NLGN1: variants seen among roughly 807,000 people sequenced by gnomAD.
NLGN1 encodes neuroligin 1.
A neutral mutation model predicts 65.5 loss-of-function variants in NLGN1; 12 were observed. That is an observed-to-expected ratio of 0.18 (90% CI 0.12 to 0.30). The LOEUF (loss-of-function observed/expected upper bound fraction) is 0.30, where lower values mean the gene tolerates loss of function less well. Ranked by LOEUF, NLGN1 falls within the 10% of genes least tolerant of loss-of-function variation. The pLI, the probability that NLGN1 is intolerant of heterozygous loss-of-function variation, is 1.00. For synonymous variants in NLGN1, 350 were observed against 359.5 expected, an observed-to-expected ratio of 0.97 and a Z score of 0.30; for missense variants, 750 against 1,007.1, an observed-to-expected ratio of 0.74 and a Z score of 3.46.
intron 4 of NLGN1, among the ~76,000 whole-genome samples, chr3:174,268,545 A>G (rs1748718961): frequency 6.6e-6 from 1 of 152,042 alleles, no homozygotes; most frequent in Non-Finnish European, 1.5e-5. Context: ...TTTTCTAACC[A>G]TTACAACCTA....
chr3:174,136,135 C>T (rs1228180405), intron 4 of NLGN1, among the ~76,000 whole-genome samples: 1 of 152,052 alleles, frequency 6.6e-6, no homozygotes, highest in Non-Finnish European at 1.5e-5. Context: ...AATTTCTGAA[C>T]ATCTGCAGCA....
chr3:174,014,748 C>G (rs550420828), intron 4 of NLGN1, among the ~76,000 whole-genome samples: 17 of 152,194 alleles, frequency 1.1e-4, no homozygotes, highest in Non-Finnish European at 1.9e-4. Context: ...GCAAGTTATT[C>G]AATCTTTCTG....
chr3:173,416,133 A>T (rs1008703624), intron 1 of NLGN1, among the ~76,000 whole-genome samples: 1 of 152,152 alleles, frequency 6.6e-6, no homozygotes, highest in Non-Finnish European at 1.5e-5. Context: ...CACTTACATT[A>T]TACTTGTTGA....
intron 4 of NLGN1, among the ~76,000 whole-genome samples, chr3:174,271,521 T>A (rs1468921698): frequency 6.6e-6 from 1 of 151,754 alleles, no homozygotes; most frequent in Non-Finnish European, 1.5e-5. Flanking sequence ...TAATTATCTG[T>A]TTTTATTTAT....
chr3:173,787,242 A>G (rs1782135687), intron 3 of NLGN1, among the ~76,000 whole-genome samples: 1 of 152,216 alleles, frequency 6.6e-6, no homozygotes, highest in Admixed American at 6.5e-5. Context: ...CTCTTGCCTA[A>G]AGTCAACTGT....
intron 4 of NLGN1, among the ~76,000 whole-genome samples, chr3:174,142,716 A>G (rs542361325): frequency 1.3e-5 from 2 of 152,344 alleles, no homozygotes; most frequent in Admixed American, 6.5e-5. Context: ...ATTATAGGAC[A>G]TTTGAAATAG....
intron 4 of NLGN1, among the ~76,000 whole-genome samples, chr3:173,928,589 T>C (rs1743447559): frequency 6.6e-6 from 1 of 152,118 alleles, no homozygotes; most frequent in African/African-American, 2.4e-5. Flanking sequence ...AATGTTCAAC[T>C]TTGTATTTGG....
intron 3 of NLGN1, among the ~76,000 whole-genome samples, chr3:173,629,847 A>T (rs1369176794): frequency 2.0e-5 from 3 of 152,334 alleles, no homozygotes; most frequent in Middle Eastern, 6.8e-3. Context: ...TTCAGAGTTT[A>T]TCAGACTTGT....
intron 4 of NLGN1, among the ~76,000 whole-genome samples, chr3:174,086,198 T>C (rs953045931): frequency 6.6e-6 from 1 of 151,238 alleles, no homozygotes; most frequent in Non-Finnish European, 1.5e-5. Context: ...TGTGTGTGTG[T>C]GTGTGTGCGT....
chr3:174,056,918 A>T (rs9843146), intron 4 of NLGN1, among the ~76,000 whole-genome samples: 38,723 of 151,178 alleles, frequency 0.26, 6,283 homozygotes, highest in African/African-American at 0.47. Flanking sequence ...ATATATATAT[A>T]TTTTTTTTCA....
At chr3:174,052,677 A>G (rs1735167723) in intron 4 of NLGN1, among the ~76,000 whole-genome samples, 1 of 152,070 alleles carries the variant, frequency 6.6e-6, no homozygotes, top group South Asian at 2.1e-4. Flanking sequence ...CTCTTATCTT[A>G]CTAGTCTATT....
intron 4 of NLGN1, among the ~76,000 whole-genome samples, chr3:173,879,551 T>C (rs1732820569): frequency 6.6e-6 from 1 of 152,154 alleles, no homozygotes; most frequent in Admixed American, 6.5e-5. Flanking sequence ...AAAATCCTTG[T>C]CTACGAAAGT....
chr3:174,247,602 G>A (rs1744037072), intron 4 of NLGN1, among the ~76,000 whole-genome samples: 1 of 152,130 alleles, frequency 6.6e-6, no homozygotes, highest in African/African-American at 2.4e-5. Context: ...TTTACTTACA[G>A]TTATCTATAG....
intron 3 of NLGN1, among the ~76,000 whole-genome samples, chr3:173,723,677 T>C (rs1285377445): frequency 6.6e-6 from 1 of 152,162 alleles, no homozygotes. Flanking sequence ...TAAGTGTGTA[T>C]TATAGTCATC....
chr3:174,067,753 C>G (rs1183126113), intron 4 of NLGN1, among the ~76,000 whole-genome samples: 1 of 152,052 alleles, frequency 6.6e-6, no homozygotes, highest in African/African-American at 2.4e-5. Context: ...ACTTAGATAT[C>G]CTTTAAAAAT....
At chr3:174,146,569 TC>T (rs1374349765) in intron 4 of NLGN1, among the ~76,000 whole-genome samples, 3 of 151,568 alleles carry the variant, frequency 2.0e-5, no homozygotes, top group Non-Finnish European at 2.9e-5. Context: ...CTGACATGAA[TC>T]TTTTTTTTTT....
intron 2 of NLGN1, among the ~76,000 whole-genome samples, chr3:173,483,493 AAC>A (rs2148976711): frequency 6.6e-6 from 1 of 152,230 alleles, no homozygotes; most frequent in Non-Finnish European, 1.5e-5. Context: ...ATGAAAGGAT[AAC>A]AGTTTATCAT....
chr3:173,976,007 A>G (rs1404690713), intron 4 of NLGN1, among the ~76,000 whole-genome samples: 1 of 152,046 alleles, frequency 6.6e-6, no homozygotes, highest in African/African-American at 2.4e-5. Context: ...TTTATCTACT[A>G]TACAAAGTGG....
At chr3:174,206,652 C>G (rs779415765) in intron 4 of NLGN1, among the ~76,000 whole-genome samples, 2 of 152,110 alleles carry the variant, frequency 1.3e-5, no homozygotes, top group Non-Finnish European at 2.9e-5. Context: ...TTTCAGCTAC[C>G]GGTAAAATAA....
Sources: gnomAD v4.1 joint callset for allele counts (sites outside exome capture counted in the v4.1 genomes callset) on GRCh38, gnomAD v4.1.1 for gene constraint, MANE v1.5 for transcripts, NCBI Gene and HGNC (gene_info 2026-07-23, HGNC 2026-07-21) for gene names.